The following LYZ variants were observed in gnomAD, a reference collection of about 807,000 sequenced individuals.
The protein encoded by LYZ is lysozyme.
A neutral mutation model predicts 15.8 loss-of-function variants in LYZ; 18 were observed. The observed-to-expected ratio is 1.14, with a 90% CI of 0.79 to 1.69. LYZ has a LOEUF of 1.69. Ranked by LOEUF, LYZ falls within the 40% of genes most tolerant of loss-of-function variation. The probability of loss-of-function intolerance (pLI) is 0.00; values close to 1 mark genes in which losing one functional copy is unlikely to be tolerated. For synonymous variants in LYZ, 60 were observed against 61.7 expected (o/e 0.97, Z 0.13); for missense variants, 139 against 182.8 (o/e 0.76, Z 1.38).
At position 69,353,234 on chromosome 12, in the gene LYZ, T is replaced by G; in HGVS notation, c.*15T>G. On this transcript the variant is annotated 3_prime_UTR_variant, in exon 4 of 4. Coordinates refer to ENST00000261267, the MANE Select transcript of LYZ (RefSeq NM_000239.3). Reference sequence around the variant, plus strand: ...GTGGAGTGTAACTCCAGAATTTTCCTTCTTCAGCTCATTTTGTCTCTCTCA... The same window carrying G: ...GTGGAGTGTAACTCCAGAATTTTCCGTCTTCAGCTCATTTTGTCTCTCTCA... 6.2e-7 allele frequency: 1 copy of G among 1,605,558 alleles called. No individual in the cohort carries two copies. Among genetic ancestry groups the G allele is most frequent in the South Asian group, 1.1e-5 (1 of 90,918 alleles).
chr12:69,350,880 C>T (rs562672042), intron 2 of LYZ, among the ~76,000 whole-genome samples: 6 of 151,276 alleles, frequency 4.0e-5, no homozygotes, highest in African/African-American at 1.5e-4. Context: ...CTCAAGTGAT[C>T]ATCCCACCAC....
chr12:69,350,201 T>C lies in LYZ; in HGVS notation c.230T>C (p.Ile77Thr), dbSNP rs1363507110. ...DRSTDYGIFQINSRYWCNDGK... is the reference protein window; with the variant it reads ...DRSTDYGIFQTNSRYWCNDGK... ...AGCACTGATTATGGGATATTTCAGATCAATAGCCGCTACTGGTGTAATGAT... is the reference window on the plus strand; with the variant it reads ...AGCACTGATTATGGGATATTTCAGACCAATAGCCGCTACTGGTGTAATGAT... The change falls in exon 2 of 4, where the codon ATC becomes ACC. Residue 77 changes from isoleucine (I) to threonine (T), a missense_variant. Ile to Thr is a moderately conservative substitution (Grantham distance 89). Transcript: ENST00000261267. 2.5e-6 allele frequency: 4 copies of C among 1,614,136 alleles called. No homozygotes were observed. In the Admixed American group the frequency reaches 6.7e-5, roughly 27 times the overall value.
intron 2 of LYZ, among the ~76,000 whole-genome samples, 154 bp from the exon 3 acceptor site, chr12:69,352,066 G>A (rs1345749705): frequency 6.6e-6 from 1 of 152,190 alleles, no homozygotes; most frequent in Non-Finnish European, 1.5e-5. Flanking sequence ...GGGAGAGAAT[G>A]AAGAGAGTTT....
Position 69,350,030 on chromosome 12 carries a change from GC to G in LYZ, c.137-77del, listed in dbSNP as rs1407039059. The stretch of plus-strand genomic sequence containing the variant: ...AAAACAAATCAGTAAAATAGAAGTA[GC>G]TAAGTAGAACTGATTTTGCTATAGA... On this transcript the variant is annotated intron_variant, in intron 1 of 3. Coordinates refer to ENST00000261267, the MANE Select transcript of LYZ (RefSeq NM_000239.3). 6.9e-6 allele frequency: 8 copies of G among 1,158,512 alleles called. No individual in the cohort carries two copies. In the African/African-American group the frequency reaches 9.1e-5, roughly 13 times the overall value. 71.8% of individuals were successfully genotyped at this position (1,158,512 alleles called of 1,614,324 possible). A position where few individuals can be genotyped will look rare whatever the true frequency, so the allele number is the denominator to read the frequency against.
intron 3 of LYZ, among the ~76,000 whole-genome samples, chr12:69,352,826 G>A (rs1565670216): frequency 6.6e-6 from 1 of 152,276 alleles, no homozygotes; most frequent in African/African-American, 2.4e-5. Context: ...AGAGGATTGC[G>A]CCATTGTACT....
At position 69,353,154 on chromosome 12, in the gene LYZ, G is replaced by A. The variant is rs551709281; in HGVS notation, c.382G>A (p.Val128Met). ...CATTTGCTTCATCTTTTTCTACAGG[G>A]TGGCATGGAGAAATCGTTGTCAAAA... ...VRDPQGIRAW[V>M]AWRNRCQNRD... The change falls in exon 4 of 4, where the codon GTG (valine) becomes ATG (methionine). Residue 128 changes from valine (V) to methionine (M), a missense_variant and splice_region_variant. Transcript: ENST00000261267. The A allele has an allele frequency of 1.5e-5, 24 of 1,611,914 alleles. No homozygotes were observed. The African/African-American group carries it at 2.4e-4, about 16-fold the overall frequency.
rs367623154 is a variant in LYZ at position 69,353,187 on chromosome 12, G to A, written c.415G>A (p.Val139Ile). 1 of 1,614,084 alleles carries A rather than the reference G, an allele frequency of 6.2e-7. No homozygotes were observed. Among genetic ancestry groups the A allele is most frequent in the Non-Finnish European group, 8.5e-7 (1 of 1,179,976 alleles). ...AWRNRCQNRD[V>I]RQYVQGCGV is the part of the protein sequence containing the mutation. ...GAGAAATCGTTGTCAAAACAGAGATGTCCGTCAGTATGTTCAAGGTTGTGG... is the reference window on the plus strand; with the variant it reads ...GAGAAATCGTTGTCAAAACAGAGATATCCGTCAGTATGTTCAAGGTTGTGG... The change falls in exon 4 of 4, where the codon GTC becomes ATC. Residue 139 changes from valine (V) to isoleucine (I), a missense_variant. Val to Ile is a conservative substitution (Grantham distance 29, BLOSUM62 3). Coordinates refer to ENST00000261267, the MANE Select transcript of LYZ (RefSeq NM_000239.3).
chr12:69,353,489 A>G lies in LYZ; in HGVS notation c.*270A>G. Reference sequence around the variant, plus strand: ...TGGTTATCAAATACATCTCCAGTACATTCCGTTCTTTTTTTTTTTGAGACA... The same window carrying G: ...TGGTTATCAAATACATCTCCAGTACGTTCCGTTCTTTTTTTTTTTGAGACA... On this transcript the variant is annotated 3_prime_UTR_variant, in exon 4 of 4. Coordinates refer to ENST00000261267, the MANE Select transcript of LYZ (RefSeq NM_000239.3). 3.7e-6 allele frequency: 1 copy of G among 267,742 alleles called. No individual in the cohort carries two copies. The allele number at this position is 267,742 out of a possible 1,614,324, so 16.6% of individuals were successfully genotyped here.
At chr12:69,350,551 C>G in intron 2 of LYZ, 1 of 373,758 alleles carries the variant, frequency 2.7e-6, no homozygotes, top group Admixed American at 4.2e-5. Context: ...TGCCATTGCT[C>G]CTGCTTACTT....
In LYZ at chr12:69,352,310, G is replaced by A. The variant is rs1383542531; in HGVS notation, c.380+12G>A. The stretch of plus-strand genomic sequence containing the variant: ...GGCATTAGAGCATGGTATGTTTTAA[G>A]TGTTAAAAGGGAAAACTATCTTACT... On this transcript the variant is annotated intron_variant, in intron 3 of 3. Transcript: ENST00000261267. 1 of 1,602,698 alleles carries A rather than the reference G, an allele frequency of 6.2e-7. No homozygotes were observed. The highest frequency in any genetic ancestry group is 8.5e-7 in the Non-Finnish European group (1 of 1,169,682).
At position 69,350,190 on chromosome 12, in the gene LYZ, G is replaced by A. The variant is rs748810774; in HGVS notation, c.219G>A (p.Gly73=). 6.2e-7 allele frequency: 1 copy of A among 1,614,094 alleles called. No homozygotes were observed. The highest frequency in any genetic ancestry group is 1.1e-5 in the South Asian group (1 of 91,084). The change falls in exon 2 of 4, where the codon GGG becomes GGA. Residue 73 remains glycine (G), a synonymous_variant. Transcript: ENST00000261267. ...YNAGDRSTDY[G]IFQINSRYWC... ...CTGGAGACAGAAGCACTGATTATGG[G>A]ATATTTCAGATCAATAGCCGCTACT...
intron 1 of LYZ, among the ~76,000 whole-genome samples, chr12:69,349,116 T>G (rs1170489995): frequency 2.0e-5 from 3 of 152,180 alleles, no homozygotes; most frequent in Non-Finnish European, 4.4e-5. Context: ...ATTCTCGTGC[T>G]TCAGCCTTCT....
At position 69,353,157 on chromosome 12, in the gene LYZ, G is replaced by T. The variant is rs749469402; in HGVS notation, c.385G>T (p.Ala129Ser). ...TTGCTTCATCTTTTTCTACAGGGTG[G>T]CATGGAGAAATCGTTGTCAAAACAG... ...RDPQGIRAWV[A>S]WRNRCQNRDV... Residue 129 changes from alanine (A) to serine (S), a missense_variant, in exon 4 of 4, where the codon GCA (alanine) becomes TCA (serine). Physicochemically the swap from Ala to Ser is moderately conservative, Grantham distance 99. Transcript: ENST00000261267. 1.9e-6 allele frequency: 3 copies of T among 1,612,536 alleles called. No individual in the cohort carries two copies. In the East Asian group the frequency reaches 6.7e-5, roughly 36 times the overall value.
At chr12:69,348,827 T>C (rs781699758) in intron 1 of LYZ, among the ~76,000 whole-genome samples, 4 of 152,108 alleles carry the variant, frequency 2.6e-5, no homozygotes, top group Non-Finnish European at 5.9e-5. Flanking sequence ...CAATGGCACA[T>C]GTAAGCTGAC....
At chr12:69,349,120 G>A (rs1874787481) in intron 1 of LYZ, among the ~76,000 whole-genome samples, 1 of 152,102 alleles carries the variant, frequency 6.6e-6, no homozygotes, top group South Asian at 2.1e-4. Context: ...TCGTGCTTCA[G>A]CCTTCTGAGT....
In LYZ at chr12:69,352,240, G is replaced by A. The variant is rs768344995; in HGVS notation, c.322G>A (p.Ala108Thr). 6.2e-6 allele frequency: 10 copies of A among 1,613,504 alleles called. No individual in the cohort carries two copies. The South Asian group carries it at 6.6e-5, about 11-fold the overall frequency. The part of the protein sequence containing the change: ...SCSALLQDNI[A>T]DAVACAKRVV... ...TTCAGCTTTGCTGCAAGATAACATC[G>A]CTGATGCTGTAGCTTGTGCAAAGAG... The change falls in exon 3 of 4, where the codon GCT becomes ACT. Residue 108 changes from alanine to threonine, a missense_variant. Physicochemically the swap from Ala to Thr is moderately conservative, Grantham distance 58 (BLOSUM62 0). Coordinates refer to ENST00000261267, the MANE Select transcript of LYZ (RefSeq NM_000239.3).
intron 3 of LYZ, 69 bp from the exon 4 acceptor site, chr12:69,353,084 T>G (rs1874877989): frequency 9.7e-7 from 1 of 1,035,264 alleles, no homozygotes; most frequent in South Asian, 1.3e-5. Flanking sequence ...CCCCAAGGAG[T>G]GCGAAGTATG....
chr12:69,350,391 G>C (rs1379602683), intron 2 of LYZ, 119 bp downstream of exon 2: 1 of 948,692 alleles, frequency 1.1e-6, no homozygotes, highest in African/African-American at 1.6e-5. Flanking sequence ...TCAACTTCCA[G>C]AAAGTCATTA....
intron 2 of LYZ, 92 bp from the exon 3 acceptor site, chr12:69,352,128 C>T (rs1874855377): frequency 1.2e-6 from 1 of 804,556 alleles, no homozygotes; most frequent in Non-Finnish European, 2.1e-6. Flanking sequence ...TCTTACCATT[C>T]TTTCCACAGC....
Sources: allele counts gnomAD v4.1 joint callset (sites outside exome capture counted in the v4.1 genomes callset), GRCh38; gene constraint gnomAD v4.1.1; transcripts MANE v1.5; gene names NCBI Gene and HGNC (gene_info 2026-07-23, HGNC 2026-07-21).